SLC22A3: variants seen among roughly 807,000 people sequenced by gnomAD.
The protein encoded by SLC22A3 is solute carrier family 22 member 3, also known as EMT organic cation transporter 3.
Under a neutral mutation model 59.1 loss-of-function variants are expected in SLC22A3, and 51 were observed. The ratio of observed to expected loss-of-function variants is 0.86; its 90% confidence interval spans 0.69 to 1.09. The LOEUF (loss-of-function observed/expected upper bound fraction) is 1.09. Among genes scored for constraint, SLC22A3 ranks in the 50% least tolerant of loss-of-function variants. The pLI, the probability that SLC22A3 is intolerant of heterozygous loss-of-function variation, is 0.00. For missense variants in SLC22A3, 711 were observed against 726.3 expected (o/e 0.98, Z 0.24); for synonymous variants, 325 against 292.0 (o/e 1.11, Z -1.15).
intron 5 of SLC22A3, among the ~76,000 whole-genome samples, chr6:160,427,864 C>A (rs1788018838): frequency 6.6e-6 from 1 of 152,148 alleles, no homozygotes. Flanking sequence ...AGGCACTGGG[C>A]ATTTCAAAAA....
chr6:160,410,786 A>G lies in SLC22A3; in HGVS notation c.915A>G (p.Leu305=), dbSNP rs1002480810. Residue 305 remains leucine (L), a synonymous_variant, in exon 5 of 11, where the codon TTA becomes TTG. Transcript: ENST00000275300. The part of the protein sequence containing the change: ...LITRKKGDKA[L]QILRRIAKCN... ...CTCGGAAGAAAGGAGATAAAGCATT[A>G]CAGATCCTGAGACGCATTGCTAAGT... 1 of 1,613,434 alleles carries G rather than the reference A, an allele frequency of 6.2e-7. No homozygotes were observed.
intron 5 of SLC22A3, among the ~76,000 whole-genome samples, chr6:160,432,673 G>A (rs1180499951): frequency 3.3e-5 from 5 of 152,028 alleles, no homozygotes; most frequent in African/African-American, 9.7e-5. Context: ...TGATCCGCCC[G>A]CCTTGGCCTC....
chr6:160,392,889 G>GATTATTATTATTATTATTATT lies in SLC22A3; in HGVS notation c.430-5086_430-5066dup, dbSNP rs745447046. Among the ~76,000 whole-genome samples the GATTATTATTATTATTATTATT allele has an allele frequency of 2.1e-4, 32 of 151,296 alleles. 1 individual carries two copies. Among genetic ancestry groups the GATTATTATTATTATTATTATT allele is most frequent in the African/African-American group, 7.3e-4 (30 of 41,154 alleles). ...GCACACCACACCTGACAGTATCAGTGATTATTATTATTATTATTATTATTT... is the reference window on the plus strand; with the variant it reads ...GCACACCACACCTGACAGTATCAGTGATTATTATTATTATTATTATTATTATTATTATTATTATTATTATTT... On this transcript the variant is annotated intron_variant, in intron 1 of 10. Transcript: ENST00000275300.
chr6:160,436,115 C>T (rs1305217826), intron 5 of SLC22A3, among the ~76,000 whole-genome samples: 1 of 152,192 alleles, frequency 6.6e-6, no homozygotes, highest in African/African-American at 2.4e-5. Flanking sequence ...GAAACTGGAG[C>T]TGCGGTCACT....
At chr6:160,395,938 T>C (rs1442447805) in intron 1 of SLC22A3, among the ~76,000 whole-genome samples, 1 of 152,112 alleles carries the variant, frequency 6.6e-6, no homozygotes, top group African/African-American at 2.4e-5. Flanking sequence ...CATGCTAGAG[T>C]CTAATGCAGT....
chr6:160,407,049 G>C lies in SLC22A3; in HGVS notation c.542G>C (p.Arg181Thr). 1 of 1,613,192 alleles carries C rather than the reference G, an allele frequency of 6.2e-7. No individual in the cohort carries two copies. The highest frequency in any genetic ancestry group is 1.1e-5 in the South Asian group (1 of 90,970). Reference sequence around the variant, plus strand: ...CTGTCTTTCTCAAAAAGGTATGGCAGGATCGTCATTTACTTGCTATCCTGC... The same window carrying C: ...CTGTCTTTCTCAAAAAGGTATGGCACGATCGTCATTTACTTGCTATCCTGC... Reference protein sequence around the residue: ...TLGYAADRYGRIVIYLLSCLG... With the variant: ...TLGYAADRYGTIVIYLLSCLG... The change falls in exon 3 of 11, where the codon AGG (arginine) becomes ACG (threonine). Residue 181 changes from arginine (R) to threonine (T), a missense_variant. Physicochemically the swap from Arg to Thr is moderately conservative, Grantham distance 71. Transcript: ENST00000275300.
chr6:160,444,577 C>T (rs1194847103), intron 9 of SLC22A3, among the ~76,000 whole-genome samples: 1 of 152,088 alleles, frequency 6.6e-6, no homozygotes, highest in African/African-American at 2.4e-5. Context: ...TGTGAAGGAA[C>T]AGAATCATAG....
At chr6:160,439,946 C>T (rs1048905868) in intron 7 of SLC22A3, among the ~76,000 whole-genome samples, 1 of 152,186 alleles carries the variant, frequency 6.6e-6, no homozygotes, top group African/African-American at 2.4e-5. Context: ...CCATTCCTGA[C>T]GTCAGTAGTA....
At chr6:160,426,402 G>A (rs1195693421) in intron 5 of SLC22A3, 1 of 956,286 alleles carries the variant, frequency 1.0e-6, no homozygotes, top group Non-Finnish European at 1.2e-6. Context: ...GCATCATTGG[G>A]CTGTGCAACA....
intron 5 of SLC22A3, among the ~76,000 whole-genome samples, chr6:160,426,643 G>GTTCATGTGTGAGTGCAACT (rs1787964249): frequency 6.6e-6 from 1 of 152,294 alleles, no homozygotes; most frequent in Admixed American, 6.5e-5. Flanking sequence ...TACCCAACTT[G>GTTCATGTGTGAGTGCAACT]TTCATGTGTG....
At chr6:160,353,224 C>T (rs1343069471) in intron 1 of SLC22A3, among the ~76,000 whole-genome samples, 3 of 152,224 alleles carry the variant, frequency 2.0e-5, no homozygotes, top group Admixed American at 6.5e-5. Context: ...TGCAGCAATG[C>T]TTTCTGGACC....
intron 1 of SLC22A3, among the ~76,000 whole-genome samples, chr6:160,392,682 A>G (rs569679428): frequency 6.6e-6 from 1 of 152,346 alleles, no homozygotes; most frequent in East Asian, 1.9e-4. Context: ...TTTCATGGTG[A>G]CCCAAATTAA....
At chr6:160,404,921 G>A (rs1316577618) in intron 2 of SLC22A3, among the ~76,000 whole-genome samples, 1 of 149,014 alleles carries the variant, frequency 6.7e-6, no homozygotes, top group Non-Finnish European at 1.5e-5. Context: ...TAAAAAAAAT[G>A]GATCACAGAC....
chr6:160,406,555 C>G (rs1787020380), intron 2 of SLC22A3, among the ~76,000 whole-genome samples: 1 of 152,194 alleles, frequency 6.6e-6, no homozygotes, highest in Admixed American at 6.5e-5. Flanking sequence ...CTCTCTACAA[C>G]CTCCCTCTAG....
chr6:160,372,258 GT>G (rs1785426863), intron 1 of SLC22A3, among the ~76,000 whole-genome samples: 1 of 151,912 alleles, frequency 6.6e-6, no homozygotes, highest in Non-Finnish European at 1.5e-5. Flanking sequence ...ATCTTTGTTG[GT>G]TTAAAGTCTG....
intron 5 of SLC22A3, among the ~76,000 whole-genome samples, chr6:160,424,044 C>T (rs1175915727): frequency 6.6e-6 from 1 of 152,006 alleles, no homozygotes; most frequent in African/African-American, 2.4e-5. Flanking sequence ...ACATATGTCA[C>T]CTTCTTTAGT....
At chr6:160,391,014 C>A (rs1786233985) in intron 1 of SLC22A3, among the ~76,000 whole-genome samples, 1 of 152,162 alleles carries the variant, frequency 6.6e-6, no homozygotes, top group East Asian at 1.9e-4. Flanking sequence ...CTTCATATGG[C>A]CTTTTTTCTG....
intron 2 of SLC22A3, among the ~76,000 whole-genome samples, chr6:160,398,601 A>G (rs963841951): frequency 9.2e-5 from 14 of 152,206 alleles, no homozygotes; most frequent in Admixed American, 2.0e-4. Flanking sequence ...ATTATTTTGT[A>G]TTCATAAATG....
intron 1 of SLC22A3, among the ~76,000 whole-genome samples, chr6:160,365,452 G>A (rs1396028824): frequency 5.3e-5 from 8 of 152,168 alleles, no homozygotes; most frequent in Admixed American, 1.3e-4. Context: ...GGCCTCACTG[G>A]AGTTTCTGAT....
Sources: gnomAD v4.1 joint callset for allele counts (sites outside exome capture counted in the v4.1 genomes callset) on GRCh38, gnomAD v4.1.1 for gene constraint, MANE v1.5 for transcripts, NCBI Gene and HGNC (gene_info 2026-07-23, HGNC 2026-07-21) for gene names.